Variants in DNAJC17 observed in about 807,000 individuals in gnomAD.
DNAJC17 encodes the protein DnaJ heat shock protein family (Hsp40) member C17, also known as dnaJ homolog subfamily C member 17.
Under a neutral mutation model 48.1 loss-of-function variants are expected in DNAJC17, and 35 were observed. That is an observed-to-expected ratio of 0.73 (90% CI 0.56 to 0.96). The LOEUF is 0.96. DNAJC17 is among the 50% of genes least tolerant of loss of function. The probability of loss-of-function intolerance (pLI) is 0.00; values close to 1 mark genes in which losing one functional copy is unlikely to be tolerated. For missense variants in DNAJC17, 355 were observed against 377.1 expected (o/e 0.94, Z 0.48); for synonymous variants, 117 against 142.7 (o/e 0.82, Z 1.28).
At chr15:40,779,333 G>A in intron 3 of DNAJC17, 23 bp from the exon 4 acceptor site, 2 of 1,612,920 alleles carry the variant, frequency 1.2e-6, no homozygotes. Context: ...AGGGGCACAG[G>A]GCAGAGGGTC....
intron 1 of DNAJC17, among the ~76,000 whole-genome samples, chr15:40,783,801 T>G (rs578031576): frequency 6.6e-6 from 1 of 152,316 alleles, no homozygotes; most frequent in Non-Finnish European, 1.5e-5. Flanking sequence ...GGGCAGAGGC[T>G]TCAGTGAGCT....
At chr15:40,799,823 G>A (rs1890032384) in intron 1 of DNAJC17, among the ~76,000 whole-genome samples, 1 of 152,004 alleles carries the variant, frequency 6.6e-6, no homozygotes, top group Admixed American at 6.6e-5. Context: ...TCTGCATCCT[G>A]ACCAACATTT....
chr15:40,781,642 C>T (rs1304587500), intron 1 of DNAJC17, among the ~76,000 whole-genome samples: 2 of 151,912 alleles, frequency 1.3e-5, no homozygotes. Context: ...TGAGTTTAGT[C>T]CAGGTGCGGT....
intron 1 of DNAJC17, among the ~76,000 whole-genome samples, chr15:40,784,453 A>T (rs941924516): frequency 2.6e-5 from 4 of 152,186 alleles, no homozygotes; most frequent in Non-Finnish European, 4.4e-5. Flanking sequence ...CATATTGTCA[A>T]ATATGCTTTA....
chr15:40,773,537 G>A (rs1889219098), intron 10 of DNAJC17, among the ~76,000 whole-genome samples, 190 bp downstream of exon 10: 1 of 152,172 alleles, frequency 6.6e-6, no homozygotes, highest in Non-Finnish European at 1.5e-5. Context: ...GTGTGGGTGG[G>A]GCCTCTCTGG....
chr15:40,774,882 G>A (rs1889273354), intron 8 of DNAJC17, 149 bp downstream of exon 8: 8 of 775,908 alleles, frequency 1.0e-5, no homozygotes, highest in Non-Finnish European at 1.0e-5. Context: ...CTGGGGAGAA[G>A]TCTCTAAGAC....
chr15:40,770,754 C>G lies in DNAJC17; in HGVS notation c.793-2692G>C, dbSNP rs1055120023. 6.5e-7 allele frequency: 1 copy of G among 1,545,700 alleles called. No homozygotes were observed. The highest frequency in any genetic ancestry group is 8.7e-7 in the Non-Finnish European group (1 of 1,146,956). ...CCCACCCAAGCCCCCACGCCTCTACCGAGAGAGCTCAAGCTGCCCCAACAT... is the reference window on the plus strand; with the variant it reads ...CCCACCCAAGCCCCCACGCCTCTACGGAGAGAGCTCAAGCTGCCCCAACAT... On this transcript the variant is annotated intron_variant, in intron 10 of 10. Coordinates refer to ENST00000220496, the MANE Select transcript of DNAJC17 (RefSeq NM_018163.3). This position sits in a 1 kb window ranked among gnomAD's most constrained non-coding sequence, Gnocchi z 5.0.
intron 1 of DNAJC17, among the ~76,000 whole-genome samples, chr15:40,804,942 C>T (rs1890162290): frequency 6.6e-6 from 1 of 151,724 alleles, no homozygotes; most frequent in Non-Finnish European, 1.5e-5. Flanking sequence ...GCAGAGGTTG[C>T]AGTGAGCCAA....
In DNAJC17 at chr15:40,767,208, C is replaced by G. The variant is rs200059682; in HGVS notation, c.*732G>C. 1.3e-5 allele frequency: 20 copies of G among 1,488,774 alleles called. No individual in the cohort carries two copies. The East Asian group carries it at 1.6e-4, about 12-fold the overall frequency. 92.2% of individuals were successfully genotyped at this position (1,488,774 alleles called of 1,614,324 possible). A position where few individuals can be genotyped will look rare whatever the true frequency, so the allele number is the denominator to read the frequency against. On this transcript the variant is annotated 3_prime_UTR_variant, in exon 11 of 11. Transcript: ENST00000220496. ...GCTGTGTGCCCCTCCTCACCCCCCC[C>G]ATCCTGTCTCTTTGCAGTTATGAAT...
intron 1 of DNAJC17, among the ~76,000 whole-genome samples, chr15:40,795,182 C>A (rs183479197): frequency 6.7e-6 from 1 of 149,164 alleles, no homozygotes. Flanking sequence ...GAGGCCGAGG[C>A]GGGAGGATTG....
chr15:40,767,923 G>T lies in DNAJC17; in HGVS notation c.*17C>A. ...CGTTGAAGAAAAGGGCTGAGGGGTG[G>T]ATGGCTGGAGCTGGGGCTACGTAGG... On this transcript the variant is annotated 3_prime_UTR_variant, in exon 11 of 11. Coordinates refer to ENST00000220496, the MANE Select transcript of DNAJC17 (RefSeq NM_018163.3). 1 of 1,611,330 alleles carries T rather than the reference G, an allele frequency of 6.2e-7. No individual in the cohort carries two copies. The highest frequency in any genetic ancestry group is 2.2e-5 in the East Asian group (1 of 44,848).
intron 1 of DNAJC17, among the ~76,000 whole-genome samples, chr15:40,786,775 G>A (rs558315820): frequency 6.0e-4 from 92 of 152,312 alleles, no homozygotes; most frequent in African/African-American, 2.1e-3. Flanking sequence ...GCCTCAGAAG[G>A]ACGAAGATCT....
intron 1 of DNAJC17, among the ~76,000 whole-genome samples, chr15:40,786,345 T>C (rs1017588487): frequency 2.0e-5 from 3 of 152,178 alleles, no homozygotes; most frequent in African/African-American, 7.2e-5. Flanking sequence ...GAAAGCCAGG[T>C]ATCCCGGGTT....
chr15:40,771,227 T>C lies in DNAJC17; in HGVS notation c.792+2500A>G. The C allele has an allele frequency of 8.2e-6, 5 of 607,554 alleles. No individual in the cohort carries two copies. In the South Asian group the frequency reaches 1.1e-4, roughly 13 times the overall value. The allele number at this position is 607,554 out of a possible 1,614,324, so 37.6% of individuals were successfully genotyped here. ...GACAGTCCTTCCAGGCACCCCAGAG[T>C]GGAGGGACAGAGGCAATCTGGAAAT... On this transcript the variant is annotated intron_variant, in intron 10 of 10. Coordinates refer to ENST00000220496, the MANE Select transcript of DNAJC17 (RefSeq NM_018163.3).
intron 5 of DNAJC17, 106 bp downstream of exon 5, chr15:40,776,436 A>C (rs1889323676): frequency 1.4e-6 from 2 of 1,474,668 alleles, no homozygotes; most frequent in Non-Finnish European, 9.4e-7. Flanking sequence ...CTCCCACTGA[A>C]GGTGCAAAGA....
chr15:40,781,794 C>T (rs1052797108), intron 1 of DNAJC17, among the ~76,000 whole-genome samples: 2 of 151,486 alleles, frequency 1.3e-5, no homozygotes, highest in African/African-American at 4.9e-5. Flanking sequence ...TGGTGGCGGG[C>T]GCCTGTAGTC....
At chr15:40,798,336 G>T (rs1449750310) in intron 1 of DNAJC17, among the ~76,000 whole-genome samples, 1 of 152,184 alleles carries the variant, frequency 6.6e-6, no homozygotes, top group African/African-American at 2.4e-5. Flanking sequence ...GTTCACAGGA[G>T]CTGGGGGGAG....
intron 1 of DNAJC17, among the ~76,000 whole-genome samples, chr15:40,797,391 A>T (rs1889963654): frequency 6.6e-6 from 1 of 151,604 alleles, no homozygotes; most frequent in Non-Finnish European, 1.5e-5. Flanking sequence ...AAAATTCATA[A>T]AGTAGGGACT....
intron 1 of DNAJC17, among the ~76,000 whole-genome samples, chr15:40,795,871 G>A (rs541962738): frequency 2.6e-5 from 4 of 152,156 alleles, no homozygotes; most frequent in African/African-American, 7.2e-5. Context: ...CAGCCTGGGC[G>A]ACAGAGTGAG....
Sources: allele counts gnomAD v4.1 joint callset (sites outside exome capture counted in the v4.1 genomes callset), GRCh38; gene constraint gnomAD v4.1.1; non-coding constraint Gnocchi (gnomAD v3.1); transcripts MANE v1.5; gene names NCBI Gene and HGNC (gene_info 2026-07-23, HGNC 2026-07-21).